The following ZNF346 variants were observed in gnomAD, a reference collection of about 807,000 sequenced individuals.
The protein encoded by ZNF346 is double-stranded RNA-binding zinc finger protein JAZ.
In ZNF346, 23 loss-of-function variants were observed where a neutral mutation model predicts 33.7. That is an observed-to-expected ratio of 0.68 (90% CI 0.49 to 0.97). ZNF346 has a LOEUF of 0.97. Among genes scored for constraint, ZNF346 ranks in the 50% least tolerant of loss-of-function variants. The pLI is 0.00. For missense variants in ZNF346, 340 were observed against 371.1 expected (o/e 0.92, Z 0.69); for synonymous variants, 134 against 142.4 (o/e 0.94, Z 0.42).
chr5:177,023,967 C>G (rs1776300889), intron 1 of ZNF346, among the ~76,000 whole-genome samples: 1 of 150,414 alleles, frequency 6.6e-6, no homozygotes, highest in Non-Finnish European at 1.5e-5. Flanking sequence ...AAAAACAAGT[C>G]TAGCCTGTCT....
chr5:177,069,517 A>G (rs1156599929), downstream of ZNF346, among the ~76,000 whole-genome samples: 1 of 150,620 alleles, frequency 6.6e-6, no homozygotes, highest in Non-Finnish European at 1.5e-5. Flanking sequence ...AATATAGCAC[A>G]ATTTAGCCAT....
chr5:177,067,167 C>G lies in ZNF346; in HGVS notation c.*2568C>G, dbSNP rs553815082. ...GGTGAGGCAGGAGGATCGCTTTAAC[C>G]ATGAGTTCAAGGCAGCAGTGAGCTA... is the stretch of plus-strand genomic sequence containing the variant. On this transcript the variant is annotated 3_prime_UTR_variant, in exon 7 of 7. Coordinates refer to ENST00000358149, the MANE Select transcript of ZNF346 (RefSeq NM_012279.4). Among the ~76,000 whole-genome samples the G allele has an allele frequency of 2.1e-3, 317 of 152,256 alleles. No homozygotes were observed. The highest frequency in any genetic ancestry group is 3.5e-3 in the Non-Finnish European group (240 of 68,024).
At chr5:177,034,965 A>C (rs1778265808) in intron 1 of ZNF346, among the ~76,000 whole-genome samples, 1 of 151,784 alleles carries the variant, frequency 6.6e-6, no homozygotes, top group African/African-American at 2.4e-5. Context: ...TGGAGGCCCA[A>C]CCTAGTATCA....
exon 9 of ZNF346, chr5:177,080,349 C>T (rs1477876113): frequency 6.6e-6 from 1 of 152,266 alleles, no homozygotes; most frequent in Non-Finnish European, 1.5e-5. Context: ...TTCATATTGG[C>T]TACTCTTCAG....
intron 1 of ZNF346, among the ~76,000 whole-genome samples, chr5:177,035,073 G>A (rs1369340975): frequency 6.6e-6 from 1 of 151,024 alleles, no homozygotes; most frequent in Non-Finnish European, 1.5e-5. Flanking sequence ...CTCAAGTGTA[G>A]TGGCACGATC....
At chr5:177,039,758 G>C (rs747533513) in intron 1 of ZNF346, among the ~76,000 whole-genome samples, 7 of 152,174 alleles carry the variant, frequency 4.6e-5, no homozygotes, top group Non-Finnish European at 1.0e-4. Flanking sequence ...GATTACAGGT[G>C]TGAGCCACTG....
intron 1 of ZNF346, among the ~76,000 whole-genome samples, chr5:177,039,203 C>G: frequency 6.6e-6 from 1 of 152,132 alleles, no homozygotes; most frequent in East Asian, 1.9e-4. Context: ...CTCTGACCCT[C>G]TTTTAAAAGT....
intron 1 of ZNF346, among the ~76,000 whole-genome samples, chr5:177,033,988 C>G (rs1778103555): frequency 1.3e-5 from 2 of 152,076 alleles, no homozygotes; most frequent in Admixed American, 1.3e-4. Flanking sequence ...CTCAGGTGAT[C>G]CTCCCACGTC....
At position 177,041,848 on chromosome 5, in the gene ZNF346, C is replaced by T. The variant is rs375973385; in HGVS notation, c.350C>T (p.Thr117Met). 5.0e-6 allele frequency: 8 copies of T among 1,612,408 alleles called. No homozygotes were observed. Among genetic ancestry groups the T allele is most frequent in the South Asian group, 3.3e-5 (3 of 90,998 alleles). Residue 117 changes from threonine (T) to methionine (M), a missense_variant, in exon 3 of 7, where the codon ACG becomes ATG. By Grantham distance (81) the Thr-to-Met change is moderately conservative. Coordinates refer to ENST00000358149, the MANE Select transcript of ZNF346 (RefSeq NM_012279.4). ...IHGMETLKGETKKLDSDQKSS... is the reference protein window; with the variant it reads ...IHGMETLKGEMKKLDSDQKSS... ...GGAATGGAGACATTAAAGGGGGAAACGAAGAAGCTAGACTCAGATCAGGTA... is the reference window on the plus strand; with the variant it reads ...GGAATGGAGACATTAAAGGGGGAAATGAAGAAGCTAGACTCAGATCAGGTA...
At chr5:177,042,863 T>G (rs761913408) in intron 3 of ZNF346, among the ~76,000 whole-genome samples, 7 of 151,974 alleles carry the variant, frequency 4.6e-5, no homozygotes, top group Non-Finnish European at 8.8e-5. Flanking sequence ...CCCAAGTAGC[T>G]AGGACTACAG....
At chr5:177,023,060 G>T in intron 1 of ZNF346, 147 bp downstream of exon 1, 1 of 1,441,060 alleles carries the variant, frequency 6.9e-7, no homozygotes, top group South Asian at 1.2e-5. Context: ...CCATCCGGGC[G>T]CGGGCACCCC....
In ZNF346 at chr5:177,065,430, G is replaced by C. The variant is rs1783064657; in HGVS notation, c.*831G>C. On this transcript the variant is annotated 3_prime_UTR_variant, in exon 7 of 7. Coordinates refer to ENST00000358149, the MANE Select transcript of ZNF346 (RefSeq NM_012279.4). ...CCTGAGGGTTCTGCCCCTAAAGGCA[G>C]ACTGCCTCATGCCCGCTAGCTGTGA... 6.5e-6 allele frequency: 1 copy of C among 152,706 alleles called. No homozygotes were observed. Among genetic ancestry groups the C allele is most frequent in the Admixed American group, 6.5e-5 (1 of 15,280 alleles). The allele number at this position is 152,706 out of a possible 1,614,324, so 9.5% of individuals were successfully genotyped here. A position where few individuals can be genotyped will look rare whatever the true frequency, so the allele number is the denominator to read the frequency against.
intron 1 of ZNF346, among the ~76,000 whole-genome samples, chr5:177,026,795 A>C (rs1250541200): frequency 1.3e-5 from 2 of 152,218 alleles, no homozygotes; most frequent in East Asian, 3.8e-4. Context: ...GGACTCATAC[A>C]AAGTTGTTTA....
chr5:177,026,047 G>A (rs6889394), intron 1 of ZNF346, among the ~76,000 whole-genome samples: 14,837 of 151,394 alleles, frequency 0.098, 1,525 homozygotes, highest in African/African-American at 0.26. Flanking sequence ...CTGGAGTGCA[G>A]TGGCATGATC....
intron 1 of ZNF346, among the ~76,000 whole-genome samples, chr5:177,038,057 G>A (rs1376941037): frequency 2.0e-5 from 3 of 150,482 alleles, no homozygotes; most frequent in Non-Finnish European, 3.0e-5. Context: ...TGTAAGCCTT[G>A]TGGCTGACAC....
intron 1 of ZNF346, among the ~76,000 whole-genome samples, chr5:177,028,353 C>G (rs1026156183): frequency 6.6e-5 from 10 of 150,918 alleles, no homozygotes; most frequent in Non-Finnish European, 1.2e-4. Flanking sequence ...CTTGGTTAGT[C>G]TAGCTAAGAA....
chr5:177,045,233 A>T (rs1228180535), intron 4 of ZNF346, among the ~76,000 whole-genome samples: 1 of 152,150 alleles, frequency 6.6e-6, no homozygotes, highest in East Asian at 1.9e-4. Context: ...TGTTTTCTTG[A>T]TAATTTTTGC....
chr5:177,050,089 C>A (rs1780651215), intron 4 of ZNF346, among the ~76,000 whole-genome samples: 1 of 152,214 alleles, frequency 6.6e-6, no homozygotes, highest in Admixed American at 6.5e-5. Context: ...CCTGCCTTGG[C>A]CTCCTGAAGT....
At chr5:177,055,367 G>C (rs749439462) in intron 5 of ZNF346, among the ~76,000 whole-genome samples, 2 of 151,924 alleles carry the variant, frequency 1.3e-5, no homozygotes, top group African/African-American at 4.8e-5. Context: ...ACTTCATATA[G>C]CTATCTCTGA....
Sources: allele counts gnomAD v4.1 joint callset (sites outside exome capture counted in the v4.1 genomes callset), GRCh38; gene constraint gnomAD v4.1.1; transcripts MANE v1.5; gene names NCBI Gene and HGNC (gene_info 2026-07-23, HGNC 2026-07-21).